Variants in STOX2 observed in about 807,000 individuals in gnomAD.
The protein encoded by STOX2 is storkhead box 2, also known as storkhead-box protein 2.
A neutral mutation model predicts 60.9 loss-of-function variants in STOX2; 28 were observed. The ratio of observed to expected loss-of-function variants is 0.46; its 90% CI spans 0.34 to 0.63. The LOEUF is 0.63. STOX2 is among the 30% of genes least tolerant of loss of function. The pLI, the probability that STOX2 is intolerant of heterozygous loss-of-function variation, is 0.01. For synonymous variants in STOX2, 472 were observed against 463.9 expected, an observed-to-expected ratio of 1.02 and a Z score of -0.22; for missense variants, 1,024 against 1,187.7, an observed-to-expected ratio of 0.86 and a Z score of 2.03.
intron 1 of STOX2, among the ~76,000 whole-genome samples, chr4:183,955,371 A>G (rs150162253): frequency 0.016 from 2,400 of 152,358 alleles, 50 homozygotes; most frequent in Middle Eastern, 0.041. Flanking sequence ...AAAATTGCAT[A>G]GATTTTAAAA....
intron 1 of STOX2, among the ~76,000 whole-genome samples, chr4:183,981,915 GC>G (rs1732670581): frequency 6.6e-6 from 1 of 152,176 alleles, no homozygotes; most frequent in Admixed American, 6.5e-5. Context: ...CCCAGCCTGG[GC>G]AACAGAGTGA....
rs573966963 is a variant in STOX2, at chr4:183,908,188, A to G, written c.166+1232A>G. 3.3e-5 allele frequency among the ~76,000 whole-genome samples: 5 copies of G among 152,334 alleles called. No individual in the cohort carries two copies. The South Asian group carries it at 1.0e-3, about 32-fold the overall frequency. On this transcript the variant is annotated intron_variant, in intron 1 of 3. Coordinates refer to ENST00000308497, the MANE Select transcript of STOX2 (RefSeq NM_020225.3). ...TCAGGCGACATAAGGATGTTGTACTATTTTGGCAATAAGGCTCCCTTGATT... is the reference window on the plus strand; with the variant it reads ...TCAGGCGACATAAGGATGTTGTACTGTTTTGGCAATAAGGCTCCCTTGATT...
intron 1 of STOX2, among the ~76,000 whole-genome samples, chr4:183,863,001 A>T (rs2111156309): frequency 6.6e-6 from 1 of 151,936 alleles, no homozygotes; most frequent in Admixed American, 6.5e-5. Flanking sequence ...CACCAATCTC[A>T]CTGGGGATGT....
chr4:183,862,981 C>T (rs1369520954), intron 1 of STOX2, among the ~76,000 whole-genome samples: 1 of 152,162 alleles, frequency 6.6e-6, no homozygotes, highest in Admixed American at 6.5e-5. Context: ...TTTTACCACA[C>T]CAGGGAGCCC....
intron 1 of STOX2, among the ~76,000 whole-genome samples, chr4:183,914,700 A>G (rs1741880225): frequency 6.6e-6 from 1 of 151,966 alleles, no homozygotes. Flanking sequence ...CTTGGAGGGG[A>G]GCAGGTGACT....
At chr4:183,883,029 G>C in intron 1 of STOX2, among the ~76,000 whole-genome samples, 1 of 151,260 alleles carries the variant, frequency 6.6e-6, no homozygotes. Context: ...TTTTTATCAC[G>C]TACAATTTCT....
intron 1 of STOX2, among the ~76,000 whole-genome samples, chr4:183,954,564 A>G (rs1315994617): frequency 6.6e-6 from 1 of 152,126 alleles, no homozygotes; most frequent in Non-Finnish European, 1.5e-5. Flanking sequence ...CTGGGATTAC[A>G]GGCTTGAGCC....
chr4:183,899,644 G>A lies in STOX2; in HGVS notation c.364+101589G>A, dbSNP rs116175483. Among the ~76,000 whole-genome samples, 595 of 152,284 alleles carry A rather than the reference G, an allele frequency of 3.9e-3. 5 individuals are homozygous for A. The highest frequency in any genetic ancestry group is 0.014 in the African/African-American group (566 of 41,558). On this transcript the variant is annotated intron_variant, in intron 1 of 2. Transcript: ENST00000513034. ...AGGCTGAGAAAAATGAAGAAGCTGC[G>A]AAGGAAAGTTTGAAGCTAGCAGAGG...
chr4:184,011,282 A>C lies in STOX2; in HGVS notation c.2444A>C (p.Gln815Pro). The change falls in exon 3 of 4, where the codon CAG becomes CCG. Residue 815 changes from glutamine to proline, a missense_variant. Around this residue, in one of 3 missense-constraint regions of STOX2, gnomAD observed 922 missense variants for 1,058.3 expected, o/e 0.87. Transcript: ENST00000308497. The surrounding 1 kb of genome is among the most constrained non-coding windows in gnomAD (Gnocchi z 4.4). ...GAGCGGGAGAAGGAAAGAGACTTGC[A>C]GAGGAAATTTGAAAAGAACCTCACC... ...LLEREKERDL[Q>P]RKFEKNLTLL... The C allele has an allele frequency of 1.2e-6, 2 of 1,613,966 alleles. No individual in the cohort carries two copies. Among genetic ancestry groups the C allele is most frequent in the East Asian group, 4.5e-5 (2 of 44,890 alleles).
At chr4:183,966,605 G>A (rs960157124) in intron 1 of STOX2, among the ~76,000 whole-genome samples, 11 of 152,210 alleles carry the variant, frequency 7.2e-5, no homozygotes, top group Admixed American at 3.9e-4. Flanking sequence ...ACCTTCATGA[G>A]ACCACAATGC....
At chr4:184,007,010 T>C (rs187999958) in intron 2 of STOX2, among the ~76,000 whole-genome samples, 14,703 of 89,514 alleles carry the variant, frequency 0.16, 1,364 homozygotes, top group African/African-American at 0.31. Flanking sequence ...AGCGAGACTC[T>C]GTCTCAAAAA....
intron 1 of STOX2, among the ~76,000 whole-genome samples, chr4:183,810,879 T>G (rs766171413): frequency 6.6e-6 from 1 of 152,090 alleles, no homozygotes; most frequent in East Asian, 1.9e-4. Flanking sequence ...TATTCTGTTA[T>G]AGCAGCACAA....
At position 183,879,541 on chromosome 4, in the gene STOX2, CG is replaced by C. The variant is rs368085861; in HGVS notation, c.364+81487del. On this transcript the variant is annotated intron_variant, in intron 1 of 2. Transcript: ENST00000513034. The stretch of plus-strand genomic sequence containing the variant: ...CTAACATCAGGTAGGCTTGTGTAGC[CG>C]TAAGTTAAGTGAGCCGCATCTCCAT... Among the ~76,000 whole-genome samples, 31 of 152,246 alleles carry C rather than the reference CG, an allele frequency of 2.0e-4. No individual in the cohort carries two copies. The East Asian group carries it at 5.0e-3, about 25-fold the overall frequency.
intron 1 of STOX2, among the ~76,000 whole-genome samples, chr4:183,852,650 G>C (rs1000468186): frequency 7.4e-4 from 112 of 152,268 alleles, no homozygotes; most frequent in African/African-American, 2.6e-3. Context: ...CCTGTACCTC[G>C]GAAGCAGCAT....
chr4:183,837,311 A>G (rs889270022), intron 1 of STOX2, among the ~76,000 whole-genome samples: 1 of 152,176 alleles, frequency 6.6e-6, no homozygotes, highest in Non-Finnish European at 1.5e-5. Context: ...TACCTATTAA[A>G]TAAGAACTCC....
chr4:183,859,962 C>A (rs1740393010), intron 1 of STOX2, among the ~76,000 whole-genome samples: 1 of 152,034 alleles, frequency 6.6e-6, no homozygotes, highest in Non-Finnish European at 1.5e-5. Flanking sequence ...AATTTCCTGG[C>A]AGATTAGAAT....
At chr4:183,967,082 G>A (rs1743594807) in intron 1 of STOX2, among the ~76,000 whole-genome samples, 1 of 152,170 alleles carries the variant, frequency 6.6e-6, no homozygotes, top group Non-Finnish European at 1.5e-5. Flanking sequence ...AGTGAGAGGG[G>A]CTGGGCACGG....
At chr4:183,940,426 T>C (rs1049065250) in intron 1 of STOX2, among the ~76,000 whole-genome samples, 1 of 152,256 alleles carries the variant, frequency 6.6e-6, no homozygotes, top group Non-Finnish European at 1.5e-5. Flanking sequence ...TAAGCCCGGT[T>C]ACTCCGGGGA....
At chr4:183,940,118 G>T (rs1266756955) in intron 1 of STOX2, among the ~76,000 whole-genome samples, 1 of 152,188 alleles carries the variant, frequency 6.6e-6, no homozygotes, top group Non-Finnish European at 1.5e-5. Context: ...GGACAGGCCG[G>T]CCTCGAACTC....
Sources: allele counts gnomAD v4.1 joint callset (sites outside exome capture counted in the v4.1 genomes callset), GRCh38; gene constraint gnomAD v4.1.1; regional missense constraint gnomAD v4.1.1; non-coding constraint Gnocchi (gnomAD v3.1); transcripts MANE v1.5; gene names NCBI Gene and HGNC (gene_info 2026-07-23, HGNC 2026-07-21).